Variants in COL21A1 observed in about 807,000 individuals in gnomAD.
The protein encoded by COL21A1 is collagen alpha-1(XXI) chain.
A neutral mutation model predicts 137.9 loss-of-function variants in COL21A1; 149 were observed. The observed-to-expected ratio is 1.08, with a 90% CI of 0.95 to 1.24. The LOEUF is 1.24. COL21A1 is among the 50% of genes most tolerant of loss of function. The pLI, the probability that COL21A1 is intolerant of heterozygous loss-of-function variation, is 0.00. For missense variants in COL21A1, 1,167 were observed against 1,158.4 expected (o/e 1.01, Z -0.11); for synonymous variants, 456 against 391.5 (o/e 1.16, Z -1.95).
chr6:56,325,898 T>C (rs1234012543), intron 1 of COL21A1, among the ~76,000 whole-genome samples: 1 of 60,694 alleles, frequency 1.6e-5, no homozygotes, highest in African/African-American at 6.3e-5. Context: ...ATATAATATA[T>C]ATATTTACAT....
At chr6:56,325,625 CTATTATA>C (rs1194453154) in intron 1 of COL21A1, among the ~76,000 whole-genome samples, 1 of 420 alleles carries the variant, frequency 2.4e-3, no homozygotes, top group Non-Finnish European at 0.013. Context: ...ATATAATAAT[CTATTATA>C]TATAATATAT....
In COL21A1 at chr6:56,182,518, T is replaced by G. The variant is rs10484706; in HGVS notation, c.88+13A>C. 101,381 of 1,546,158 alleles carry G rather than the reference T, an allele frequency of 0.066. 3,660 individuals are homozygous for G. Among genetic ancestry groups the G allele is most frequent in the Middle Eastern group, 0.11 (641 of 5,934 alleles). ...TGTTGATAACAAAAAAGGACAATGC[T>G]GATAGTTCTTACTTGATCTTACTTC... On this transcript the variant is annotated intron_variant, in intron 2 of 29. Transcript: ENST00000244728.
intron 1 of COL21A1, among the ~76,000 whole-genome samples, chr6:56,314,173 C>T (rs140931427): frequency 0.044 from 6,740 of 152,178 alleles, 488 homozygotes; most frequent in African/African-American, 0.15. Flanking sequence ...TTAGTAGAGG[C>T]AGGGTTTCAC....
intron 8 of COL21A1, 50 bp from the exon 9 acceptor site, chr6:56,164,556 G>T: frequency 7.9e-7 from 1 of 1,265,888 alleles, no homozygotes; most frequent in Non-Finnish European, 1.1e-6. Context: ...AGACATATAA[G>T]TACATGCACA....
chr6:56,357,786 C>T (rs1480809691), intron 1 of COL21A1, among the ~76,000 whole-genome samples: 1 of 152,174 alleles, frequency 6.6e-6, no homozygotes, highest in Admixed American at 6.5e-5. Context: ...CTCAAGAATG[C>T]TTCACGGCAT....
intron 1 of COL21A1, among the ~76,000 whole-genome samples, chr6:56,363,387 T>A (rs533338196): frequency 3.0e-4 from 45 of 152,338 alleles, no homozygotes; most frequent in African/African-American, 8.7e-4. Flanking sequence ...TTTTCTGATC[T>A]GAAAACTGAG....
At chr6:56,063,934 G>C (rs1766020439) in intron 24 of COL21A1, among the ~76,000 whole-genome samples, 4 of 152,086 alleles carry the variant, frequency 2.6e-5, no homozygotes, top group Admixed American at 2.6e-4. Flanking sequence ...CAACACAGCA[G>C]CAAACATGCT....
At chr6:56,238,563 A>C (rs1782062508) in intron 1 of COL21A1, among the ~76,000 whole-genome samples, 1 of 151,876 alleles carries the variant, frequency 6.6e-6, no homozygotes, top group African/African-American at 2.4e-5. Context: ...CAACTGTGCC[A>C]TTACAGCAAA....
intron 1 of COL21A1, among the ~76,000 whole-genome samples, chr6:56,185,756 A>G (rs1212553995): frequency 6.6e-6 from 1 of 152,206 alleles, no homozygotes; most frequent in East Asian, 1.9e-4. Flanking sequence ...TTTGAAAAAC[A>G]CTATTTATTG....
At chr6:56,063,684 G>A (rs1327536902) in intron 24 of COL21A1, among the ~76,000 whole-genome samples, 1 of 151,962 alleles carries the variant, frequency 6.6e-6, no homozygotes, top group Non-Finnish European at 1.5e-5. Context: ...GGGGCCCTAT[G>A]CTTACACTCT....
chr6:56,275,837 A>G (rs1412661505), intron 1 of COL21A1, among the ~76,000 whole-genome samples: 1 of 152,238 alleles, frequency 6.6e-6, no homozygotes, highest in African/African-American at 2.4e-5. Flanking sequence ...AATTTAAAAC[A>G]GAGCTACCAT....
intron 12 of COL21A1, among the ~76,000 whole-genome samples, chr6:56,140,204 T>C (rs1052789994): frequency 6.6e-6 from 1 of 152,194 alleles, no homozygotes; most frequent in African/African-American, 2.4e-5. Context: ...GCATTTAAAG[T>C]ATTTTTTAGA....
chr6:56,130,165 T>TTTTATATATATATATA (rs1414609284), intron 12 of COL21A1, among the ~76,000 whole-genome samples: 1 of 107,938 alleles, frequency 9.3e-6, no homozygotes, highest in Non-Finnish European at 1.9e-5. Context: ...TGACAGGGTT[T>TTTTATATATATATATA]TATATATATA....
rs1765435881 is a variant in COL21A1, at chr6:56,057,575, G to T, written c.*82C>A. 1 of 1,316,204 alleles carries T rather than the reference G, an allele frequency of 7.6e-7. No individual in the cohort carries two copies. The highest frequency in any genetic ancestry group is 1.3e-5 in the South Asian group (1 of 79,064). The allele number at this position is 1,316,204 out of a possible 1,614,324, so 81.5% of individuals were successfully genotyped here. On this transcript the variant is annotated 3_prime_UTR_variant, in exon 30 of 30. Transcript: ENST00000244728. ...GAGGTACTTAAGTTTCTTTTCAAGG[G>T]ATTACTGTTGGTTATCTTCCTGAGA...
At chr6:56,360,625 A>C (rs967335517) in intron 1 of COL21A1, among the ~76,000 whole-genome samples, 1 of 152,176 alleles carries the variant, frequency 6.6e-6, no homozygotes, top group African/African-American at 2.4e-5. Flanking sequence ...TAGGTTGACA[A>C]CACCAAATAC....
At chr6:56,170,326 A>C (rs1055474914) in intron 5 of COL21A1, among the ~76,000 whole-genome samples, 4 of 151,782 alleles carry the variant, frequency 2.6e-5, no homozygotes, top group African/African-American at 9.7e-5. Context: ...TTTGAGGGAG[A>C]ACTTAACATC....
intron 17 of COL21A1, among the ~76,000 whole-genome samples, chr6:56,086,456 T>C (rs1435276011): frequency 6.6e-6 from 1 of 152,180 alleles, no homozygotes; most frequent in Non-Finnish European, 1.5e-5. Flanking sequence ...TTGTATACTA[T>C]ATTATTACAA....
intron 1 of COL21A1, among the ~76,000 whole-genome samples, chr6:56,200,932 T>C (rs1402597755): frequency 1.3e-5 from 2 of 151,986 alleles, no homozygotes; most frequent in African/African-American, 4.8e-5. Flanking sequence ...AGTGTAAAAG[T>C]GTTCCTATTT....
chr6:56,208,458 C>A (rs1779941768), intron 1 of COL21A1, among the ~76,000 whole-genome samples: 1 of 152,088 alleles, frequency 6.6e-6, no homozygotes, highest in Non-Finnish European at 1.5e-5. Context: ...CCTATGAATA[C>A]AACTTACAAG....
Sources: gnomAD v4.1 joint callset for allele counts (sites outside exome capture counted in the v4.1 genomes callset) on GRCh38, gnomAD v4.1.1 for gene constraint, MANE v1.5 for transcripts, NCBI Gene and HGNC (gene_info 2026-07-23, HGNC 2026-07-21) for gene names.